ABR: variants seen among roughly 807,000 people sequenced by gnomAD.
ABR encodes active breakpoint cluster region-related protein.
A neutral mutation model predicts 107.2 loss-of-function variants in ABR; 35 were observed. The ratio of observed to expected loss-of-function variants is 0.33; its 90% confidence interval spans 0.25 to 0.43. The LOEUF is 0.43. Ranked by LOEUF, ABR falls within the 20% of genes least tolerant of loss-of-function variation. The pLI, the probability that ABR is intolerant of heterozygous loss-of-function variation, is 1.00. For synonymous variants in ABR, 498 were observed against 462.0 expected (o/e 1.08, Z -1.00); for missense variants, 815 against 1,115.2 (o/e 0.73, Z 3.83).
chr17:1,037,034 T>C lies in ABR; in HGVS notation c.1791+13016A>G, dbSNP rs1490429681. 7.4e-6 allele frequency among the ~76,000 whole-genome samples: 1 copy of C among 134,406 alleles called. No individual in the cohort carries two copies. Among genetic ancestry groups the C allele is most frequent in the African/African-American group, 2.9e-5 (1 of 35,072 alleles). 88.2% of individuals were successfully genotyped at this position (134,406 alleles called of 152,430 possible). On this transcript the variant is annotated intron_variant, in intron 16 of 22. Transcript: ENST00000302538. The surrounding 1 kb of genome is among the most constrained non-coding windows in gnomAD (Gnocchi z 4.6). ...TTCCATCCTTCCTTCCTTCCATCCA[T>C]CCACCCATCCATCCATCCATCCACC...
chr17:1,027,817 G>A lies in ABR; in HGVS notation c.1792-14653C>T, dbSNP rs1481229448. Among the ~76,000 whole-genome samples the A allele has an allele frequency of 6.6e-6, 1 of 151,838 alleles. No individual in the cohort carries two copies. On this transcript the variant is annotated intron_variant, in intron 16 of 22. Coordinates refer to ENST00000302538, the MANE Select transcript of ABR (RefSeq NM_021962.5). The surrounding 1 kb of genome is among the most constrained non-coding windows in gnomAD (Gnocchi z 4.7). ...ACCGGGAAACAAGGAAGGGCGGTGGGCAGCCGGGCCAGGCCAGACTTCTAT... is the reference window on the plus strand; with the variant it reads ...ACCGGGAAACAAGGAAGGGCGGTGGACAGCCGGGCCAGGCCAGACTTCTAT...
intron 1 of ABR, among the ~76,000 whole-genome samples, chr17:1,178,570 A>C (rs1430764620): frequency 7.2e-6 from 1 of 139,268 alleles, no homozygotes; most frequent in Non-Finnish European, 1.7e-5. Context: ...GTCTCAAAAA[A>C]AAAAAAAAAG....
intron 2 of ABR, among the ~76,000 whole-genome samples, chr17:1,124,980 C>T (rs2039525517): frequency 6.6e-6 from 1 of 151,868 alleles, no homozygotes; most frequent in African/African-American, 2.4e-5. Flanking sequence ...GGGGCGGCAG[C>T]GTTGGCAAAG....
chr17:1,089,492 T>C (rs554026993), intron 4 of ABR, among the ~76,000 whole-genome samples: 1 of 152,352 alleles, frequency 6.6e-6, no homozygotes, highest in East Asian at 1.9e-4. Flanking sequence ...GCCCACTTTG[T>C]GACACGGCTC....
chr17:1,179,273 A>G lies in ABR; in HGVS notation c.61+394T>C, dbSNP rs1014433685. ...GGCCTTTCGGCTTCAGCCTGGACAG[A>G]GAAGCTGCCGGTCCAGGGGCGGGGG... is the stretch of plus-strand genomic sequence containing the variant. On this transcript the variant is annotated intron_variant, in intron 1 of 22. Coordinates refer to ENST00000302538, the MANE Select transcript of ABR (RefSeq NM_021962.5). The surrounding 1 kb of genome is among the most constrained non-coding windows in gnomAD (Gnocchi z 4.9). 1.3e-5 allele frequency among the ~76,000 whole-genome samples: 2 copies of G among 151,808 alleles called. No individual in the cohort carries two copies. The highest frequency in any genetic ancestry group is 1.3e-4 in the Admixed American group (2 of 15,260).
intron 2 of ABR, among the ~76,000 whole-genome samples, chr17:1,122,821 C>G (rs1212368244): frequency 6.6e-6 from 1 of 152,178 alleles, no homozygotes; most frequent in African/African-American, 2.4e-5. Flanking sequence ...CTGACTAACA[C>G]AAAGACTCAA....
At position 1,022,120 on chromosome 17, in the gene ABR, A is replaced by AAACAAAAAAAAAAC. The variant is rs1555534384; in HGVS notation, c.1792-8957_1792-8956insGTTTTTTTTTTGTT. 1.4e-4 allele frequency among the ~76,000 whole-genome samples: 17 copies of AAACAAAAAAAAAAC among 118,396 alleles called. 1 individual carries two copies. Among genetic ancestry groups the AAACAAAAAAAAAAC allele is most frequent in the Admixed American group, 2.8e-4 (3 of 10,854 alleles). The allele number at this position is 118,396 out of a possible 152,430, so 77.7% of individuals were successfully genotyped here. On this transcript the variant is annotated intron_variant, in intron 16 of 22. Coordinates refer to ENST00000302538, the MANE Select transcript of ABR (RefSeq NM_021962.5). ...AGACTCTGTCTCAAAAAAAAAAAAA[A>AAACAAAAAAAAAAC]AAAAACAGAAAATGACTCCAGAAGG...
intron 1 of ABR, among the ~76,000 whole-genome samples, chr17:1,217,958 G>C (rs1296855774): frequency 1.3e-5 from 2 of 151,746 alleles, no homozygotes; most frequent in African/African-American, 4.8e-5. Flanking sequence ...GCCTCCCAAA[G>C]TGCTGGCATT....
At chr17:1,189,083 GA>G (rs2042376980), upstream of ABR, among the ~76,000 whole-genome samples, 1 of 152,200 alleles carries the variant, frequency 6.6e-6, no homozygotes, top group East Asian at 1.9e-4. Context: ...CCGGTGCCAG[GA>G]GCTGGCACGA....
intron 16 of ABR, among the ~76,000 whole-genome samples, chr17:1,046,866 G>A (rs922690016): frequency 6.6e-6 from 1 of 152,162 alleles, no homozygotes; most frequent in Admixed American, 6.5e-5. Flanking sequence ...GGAGGATCAC[G>A]ACAAGGATCA....
At chr17:1,075,748 A>G (rs2035648584) in intron 6 of ABR, among the ~76,000 whole-genome samples, 1 of 152,256 alleles carries the variant, frequency 6.6e-6, no homozygotes, top group African/African-American at 2.4e-5. Context: ...TTTTAAAAAT[A>G]TAGAGACGAG....
At chr17:1,074,467 C>A (rs1335930394) in intron 6 of ABR, among the ~76,000 whole-genome samples, 1 of 152,242 alleles carries the variant, frequency 6.6e-6, no homozygotes, top group Admixed American at 6.5e-5. Flanking sequence ...ACACCTGCCA[C>A]ATGCAGGACC....
intron 1 of ABR, among the ~76,000 whole-genome samples, chr17:1,212,709 GAA>G (rs1173995228): frequency 1.3e-5 from 2 of 152,158 alleles, no homozygotes; most frequent in Non-Finnish European, 2.9e-5. Flanking sequence ...GATCAACATG[GAA>G]AAACTCCATC....
intron 2 of ABR, among the ~76,000 whole-genome samples, chr17:1,103,994 C>T (rs1028203409): frequency 6.6e-6 from 1 of 152,170 alleles, no homozygotes; most frequent in Non-Finnish European, 1.5e-5. Flanking sequence ...AGGCTCACCA[C>T]TCACTCACCC....
At position 1,070,087 on chromosome 17, in the gene ABR, G is replaced by A. The variant is rs1403369396; in HGVS notation, c.898C>T (p.Arg300Ter). 2 of 1,613,630 alleles carry A rather than the reference G, an allele frequency of 1.2e-6. No individual in the cohort carries two copies. The highest frequency in any genetic ancestry group is 1.7e-6 in the Non-Finnish European group (2 of 1,179,910). ...TAVTTPKGET[R>*]QLVKDGFLVE... is the part of the protein sequence containing the mutation. ...AGGAAGCCGTCCTTCACCAGCTGTC[G>A]CGTCTGAGGGAGATGGCAGACCCCC... is the stretch of plus-strand genomic sequence containing the variant. Residue 300 changes from arginine to a stop codon, truncating the protein, a stop_gained, in exon 9 of 23, where the codon CGA becomes TGA. Coordinates refer to ENST00000302538, the MANE Select transcript of ABR (RefSeq NM_021962.5). LOFTEE classifies it high-confidence loss of function. The surrounding 1 kb of genome is among the most constrained non-coding windows in gnomAD (Gnocchi z 4.2).
At chr17:1,028,409 T>C (rs545630287) in intron 16 of ABR, among the ~76,000 whole-genome samples, 9 of 152,254 alleles carry the variant, frequency 5.9e-5, no homozygotes, top group African/African-American at 1.9e-4. Flanking sequence ...AATTTTTGCA[T>C]TGTTAGTTGA....
intron 4 of ABR, among the ~76,000 whole-genome samples, chr17:1,088,806 C>T (rs900508150): frequency 1.3e-5 from 2 of 151,256 alleles, no homozygotes; most frequent in Non-Finnish European, 2.9e-5. Flanking sequence ...CCAAGCTGGT[C>T]TTGAACTCCT....
At chr17:1,093,422 T>C (rs1018067430) in intron 3 of ABR, among the ~76,000 whole-genome samples, 13 of 152,002 alleles carry the variant, frequency 8.6e-5, no homozygotes, top group Non-Finnish European at 1.8e-4. Context: ...TGAGCCAAGA[T>C]TGCGCCACTG....
chr17:1,190,198 A>G (rs1482658390), upstream of ABR, among the ~76,000 whole-genome samples: 1 of 152,194 alleles, frequency 6.6e-6, no homozygotes, highest in African/African-American at 2.4e-5. Context: ...AGCAGCCAGT[A>G]TTGGAGGCTG....
Sources: allele counts gnomAD v4.1 joint callset (sites outside exome capture counted in the v4.1 genomes callset), GRCh38; gene constraint gnomAD v4.1.1; non-coding constraint Gnocchi (gnomAD v3.1); transcripts MANE v1.5; gene names NCBI Gene and HGNC (gene_info 2026-07-23, HGNC 2026-07-21).